BLTP2: variants seen among roughly 807,000 people sequenced by gnomAD.
The protein encoded by BLTP2 is bridge-like lipid transfer protein family member 2, also known as U937-associated antigen.
the BLTP2 span, chr17:28,632,361 A>C: frequency 4.1e-6 from 3 of 726,386 alleles, no homozygotes; most frequent in Non-Finnish European, 6.8e-6. Flanking sequence ...ACCTAGCCTC[A>C]CATTCAGCAT....
the BLTP2 span, chr17:28,616,419 C>T: frequency 8.1e-6 from 13 of 1,614,052 alleles, no homozygotes; most frequent in African/African-American, 4.0e-5. The surrounding 1 kb of genome is among the most constrained non-coding windows in gnomAD (Gnocchi z 4.8). Flanking sequence ...CCCAGAACTC[C>T]GAGTCAAACC....
chr17:28,638,115 T>A, the BLTP2 span: 1 of 1,612,058 alleles, frequency 6.2e-7, no homozygotes, highest in Admixed American at 1.7e-5. Flanking sequence ...AGCAGACGGA[T>A]CCCATTAGAA....
chr17:28,619,004 G>A, the BLTP2 span: 1 of 1,586,296 alleles, frequency 6.3e-7, no homozygotes, highest in Non-Finnish European at 8.6e-7. Context: ...AAGCCAGTAA[G>A]GGAAACAGCA....
chr17:28,624,182 A>G, the BLTP2 span: 3 of 1,581,360 alleles, frequency 1.9e-6, no homozygotes, highest in Non-Finnish European at 2.6e-6. Context: ...AAGGGGAACA[A>G]TATGATCATG....
the BLTP2 span, chr17:28,643,593 G>C: frequency 6.2e-7 from 1 of 1,610,414 alleles, no homozygotes; most frequent in South Asian, 1.1e-5. Flanking sequence ...GGAGAAGTGA[G>C]AATATAGGGT....
chr17:28,633,866 G>C, the BLTP2 span: 1 of 1,611,136 alleles, frequency 6.2e-7, no homozygotes, highest in Non-Finnish European at 8.5e-7. Flanking sequence ...ACGTCCCTCA[G>C]CCAAACCAAC....
the BLTP2 span, chr17:28,618,925 G>A: frequency 3.7e-6 from 6 of 1,614,030 alleles, no homozygotes; most frequent in Non-Finnish European, 3.4e-6. Flanking sequence ...TGCTGCTTTC[G>A]CAGCTCCATC....
At chr17:28,629,184 C>T in the BLTP2 span, among the ~76,000 whole-genome samples, 507 of 151,926 alleles carry the variant, frequency 3.3e-3, 1 homozygote, top group African/African-American at 6.9e-3. Context: ...GCTGGGACTA[C>T]GGGCACAAGC....
chr17:28,629,843 G>A, the BLTP2 span, among the ~76,000 whole-genome samples: 1 of 152,128 alleles, frequency 6.6e-6, no homozygotes, highest in Admixed American at 6.5e-5. Flanking sequence ...TCAAACTCCT[G>A]ACCTCGACTG....
At chr17:28,640,716 C>G in the BLTP2 span, 1 of 1,608,692 alleles carries the variant, frequency 6.2e-7, no homozygotes, top group Non-Finnish European at 8.5e-7. Flanking sequence ...TAAGAACCAT[C>G]AATTCTTAAC....
the BLTP2 span, among the ~76,000 whole-genome samples, chr17:28,617,750 T>G: frequency 6.6e-6 from 1 of 152,074 alleles, no homozygotes; most frequent in Non-Finnish European, 1.5e-5. Flanking sequence ...CAAACTCACC[T>G]GTATCTGTAT....
chr17:28,631,340 C>A, the BLTP2 span: 1 of 767,032 alleles, frequency 1.3e-6, no homozygotes. Flanking sequence ...TGATCTTGGA[C>A]TTCCCAGTAG....
chr17:28,639,022 CAA>C, the BLTP2 span: 1 of 479,140 alleles, frequency 2.1e-6, no homozygotes, highest in Non-Finnish European at 3.7e-6. Flanking sequence ...ACCTTACAAT[CAA>C]AGGCAGGCAA....
At chr17:28,624,278 A>G in the BLTP2 span, 3 of 1,614,242 alleles carry the variant, frequency 1.9e-6, no homozygotes, top group African/African-American at 1.3e-5. Context: ...TGTATATGTC[A>G]TCCGTCTGGC....
the BLTP2 span, chr17:28,637,095 A>T: frequency 3.1e-6 from 5 of 1,614,152 alleles, no homozygotes; most frequent in Non-Finnish European, 3.4e-6. Flanking sequence ...CGCTAACACA[A>T]GTCCTTGAAT....
At chr17:28,620,907 A>G in the BLTP2 span, 4 of 1,316,434 alleles carry the variant, frequency 3.0e-6, no homozygotes, top group Admixed American at 1.8e-5. Flanking sequence ...TAATAACTCT[A>G]CTGTCTCAAA....
chr17:28,632,209 C>T, the BLTP2 span: 2 of 1,610,454 alleles, frequency 1.2e-6, no homozygotes, highest in South Asian at 1.1e-5. Flanking sequence ...CAGGGTACTA[C>T]TATATAGCAG....
At chr17:28,620,458 T>G in the BLTP2 span, 36,227 of 1,604,236 alleles carry the variant, frequency 0.023, 523 homozygotes, top group Non-Finnish European at 0.027. Context: ...AAGCACAAAG[T>G]CTGGGTGTTC....
chr17:28,625,883 GC>G, the BLTP2 span, among the ~76,000 whole-genome samples: 1 of 152,130 alleles, frequency 6.6e-6, no homozygotes, highest in Non-Finnish European at 1.5e-5. Context: ...TACCGTCTCA[GC>G]CTCCCGAGTA....
Sources: gnomAD v4.1 joint callset for allele counts (sites outside exome capture counted in the v4.1 genomes callset) on GRCh38, gnomAD v4.1.1 for gene constraint, Gnocchi (gnomAD v3.1) non-coding constraint, MANE v1.5 for transcripts, NCBI Gene and HGNC (gene_info 2026-07-23, HGNC 2026-07-21) for gene names.